Variants in ARNT2 observed in about 807,000 individuals in gnomAD.
ARNT2 encodes the protein aryl hydrocarbon receptor nuclear translocator 2.
A neutral mutation model predicts 91.7 loss-of-function variants in ARNT2; 36 were observed. That is an observed-to-expected ratio of 0.39 (90% CI 0.30 to 0.52). The LOEUF (loss-of-function observed/expected upper bound fraction) is 0.52. Among genes scored for constraint, ARNT2 ranks in the 20% least tolerant of loss-of-function variants. The probability of loss-of-function intolerance (pLI) is 0.72; values close to 1 mark genes in which losing one functional copy is unlikely to be tolerated. For synonymous variants in ARNT2, 365 were observed against 347.1 expected, an observed-to-expected ratio of 1.05 and a Z score of -0.57; for missense variants, 775 against 939.3, an observed-to-expected ratio of 0.83 and a Z score of 2.29.
intron 1 of ARNT2, among the ~76,000 whole-genome samples, chr15:80,435,615 C>A (rs1257084185): frequency 1.3e-5 from 2 of 152,122 alleles, no homozygotes; most frequent in Admixed American, 1.3e-4. Flanking sequence ...GGTTCCCTCC[C>A]TCCCTCTGTC....
chr15:80,520,264 A>T (rs1033779599), intron 8 of ARNT2, among the ~76,000 whole-genome samples: 1 of 152,224 alleles, frequency 6.6e-6, no homozygotes, highest in African/African-American at 2.4e-5. Flanking sequence ...TCATCAGTGT[A>T]CACACGGTTA....
At chr15:80,485,684 G>C (rs1274339658) in intron 5 of ARNT2, among the ~76,000 whole-genome samples, 5 of 152,178 alleles carry the variant, frequency 3.3e-5, no homozygotes, top group African/African-American at 9.7e-5. Flanking sequence ...GGTGAAGCGT[G>C]GGGAGAGGGG....
intron 1 of ARNT2, among the ~76,000 whole-genome samples, chr15:80,435,202 T>C (rs7182553): frequency 0.24 from 35,762 of 152,080 alleles, 5,001 homozygotes; most frequent in African/African-American, 0.4. Flanking sequence ...CTCGTCCTTT[T>C]CTCAGCCAGG....
At chr15:80,430,562 C>A (rs1318420862) in intron 1 of ARNT2, among the ~76,000 whole-genome samples, 1 of 152,210 alleles carries the variant, frequency 6.6e-6, no homozygotes, top group African/African-American at 2.4e-5. Context: ...GCTGACTGTC[C>A]AGTCTCAACG....
chr15:80,491,146 G>T (rs1897050985), intron 5 of ARNT2, among the ~76,000 whole-genome samples: 1 of 152,170 alleles, frequency 6.6e-6, no homozygotes, highest in Non-Finnish European at 1.5e-5. Flanking sequence ...GGAAGGTATT[G>T]GTGGCTCTGG....
At chr15:80,530,828 C>A (rs1277487324) in intron 8 of ARNT2, among the ~76,000 whole-genome samples, 1 of 152,132 alleles carries the variant, frequency 6.6e-6, no homozygotes, top group East Asian at 1.9e-4. Flanking sequence ...CAAAATTAGT[C>A]CCCGTAGATA....
rs73491036 is a variant in ARNT2 at position 80,439,339 on chromosome 15, T to C, written c.32-11541T>C. ...CGTAAGGCCATTGATCATGCACAAGTTCAGGGATGCCAGAAATGATCTTGC... is the reference window on the plus strand; with the variant it reads ...CGTAAGGCCATTGATCATGCACAAGCTCAGGGATGCCAGAAATGATCTTGC... On this transcript the variant is annotated intron_variant, in intron 1 of 18. Coordinates refer to ENST00000303329, the MANE Select transcript of ARNT2 (RefSeq NM_014862.4). 3.0e-3 allele frequency among the ~76,000 whole-genome samples: 459 copies of C among 152,322 alleles called. 1 individual carries two copies. The highest frequency in any genetic ancestry group is 0.01 in the African/African-American group (436 of 41,564).
intron 5 of ARNT2, among the ~76,000 whole-genome samples, chr15:80,495,354 C>T (rs1897112348): frequency 6.6e-6 from 1 of 152,236 alleles, no homozygotes; most frequent in Non-Finnish European, 1.5e-5. Flanking sequence ...CCCGACATGG[C>T]TGGACACTCA....
At position 80,585,106 on chromosome 15, in the gene ARNT2, C is replaced by G. The variant is rs537942423; in HGVS notation, c.1918+3702C>G. On this transcript the variant is annotated intron_variant, in intron 17 of 18. Transcript: ENST00000303329. ...TTTTGTTCAACGAGCTTTCAGGAGT[C>G]AAGCCAAAGCATTTCTTCCATTTCA... is the stretch of plus-strand genomic sequence containing the variant. Among the ~76,000 whole-genome samples, 11 of 152,332 alleles carry G rather than the reference C, an allele frequency of 7.2e-5. No individual in the cohort carries two copies. The South Asian group carries it at 2.3e-3, about 32-fold the overall frequency.
At chr15:80,490,475 G>A (rs1461143862) in intron 5 of ARNT2, among the ~76,000 whole-genome samples, 4 of 152,236 alleles carry the variant, frequency 2.6e-5, no homozygotes, top group African/African-American at 9.6e-5. Context: ...ATCTGGGCGG[G>A]ACATCCGCAG....
At position 80,581,265 on chromosome 15, in the gene ARNT2, T is replaced by C; in HGVS notation, c.1779T>C (p.Thr593=). The change falls in exon 17 of 19, where the codon ACT becomes ACC. Residue 593 remains threonine (T), a synonymous_variant. Coordinates refer to ENST00000303329, the MANE Select transcript of ARNT2 (RefSeq NM_014862.4). ...AAATCCCATCTCAGTCCAGCAAGAC[T>C]CAGTCATCTCCCTTTGGGATTGGAA... ...GQQIPSQSSK[T]QSSPFGIGTS... 6.2e-7 allele frequency: 1 copy of C among 1,614,152 alleles called. No individual in the cohort carries two copies.
chr15:80,554,943 G>A (rs1173490079), intron 10 of ARNT2, 122 bp from the exon 11 acceptor site: 13 of 1,020,602 alleles, frequency 1.3e-5, no homozygotes, highest in East Asian at 7.3e-5. Flanking sequence ...AAAAAATCTG[G>A]GGTGGGACAG....
intron 15 of ARNT2, among the ~76,000 whole-genome samples, chr15:80,579,378 A>T (rs1320994327): frequency 6.6e-6 from 1 of 152,218 alleles, no homozygotes; most frequent in Non-Finnish European, 1.5e-5. Flanking sequence ...TTTTACAATG[A>T]TCAGCTCAAG....
intron 5 of ARNT2, among the ~76,000 whole-genome samples, chr15:80,478,276 G>T (rs1896835907): frequency 6.6e-6 from 1 of 152,230 alleles, no homozygotes; most frequent in South Asian, 2.1e-4. Context: ...CCCAGCTGGG[G>T]AAGCTGCCAG....
chr15:80,496,426 A>G (rs998478213), intron 5 of ARNT2, among the ~76,000 whole-genome samples: 1 of 152,210 alleles, frequency 6.6e-6, no homozygotes, highest in Non-Finnish European at 1.5e-5. Flanking sequence ...GCACTTGGTC[A>G]CTGCTGTGAA....
At chr15:80,500,197 C>T (rs1897172222) in intron 5 of ARNT2, among the ~76,000 whole-genome samples, 1 of 152,140 alleles carries the variant, frequency 6.6e-6, no homozygotes, top group Non-Finnish European at 1.5e-5. Flanking sequence ...TTCCTGTGTG[C>T]ACAGCTGCTG....
intron 5 of ARNT2, among the ~76,000 whole-genome samples, chr15:80,506,501 G>A (rs1166712156): frequency 1.3e-5 from 2 of 152,186 alleles, no homozygotes; most frequent in Non-Finnish European, 2.9e-5. Context: ...AGTGCAGGGT[G>A]GTAGATATCA....
intron 6 of ARNT2, among the ~76,000 whole-genome samples, chr15:80,510,165 C>A (rs1049330102): frequency 2.0e-5 from 3 of 152,024 alleles, no homozygotes; most frequent in African/African-American, 7.2e-5. Flanking sequence ...AGCCTTCAGG[C>A]AGGGTGTGAG....
intron 17 of ARNT2, among the ~76,000 whole-genome samples, chr15:80,587,835 A>T (rs748681878): frequency 6.6e-6 from 1 of 152,246 alleles, no homozygotes; most frequent in Non-Finnish European, 1.5e-5. Flanking sequence ...CATGGGGGAC[A>T]TGCAAGTATT....
Sources: allele counts gnomAD v4.1 joint callset (sites outside exome capture counted in the v4.1 genomes callset), GRCh38; gene constraint gnomAD v4.1.1; transcripts MANE v1.5; gene names NCBI Gene and HGNC (gene_info 2026-07-23, HGNC 2026-07-21).